PRKN: variants seen among roughly 807,000 people sequenced by gnomAD.
PRKN encodes E3 ubiquitin-protein ligase parkin.
In PRKN, 56 loss-of-function variants were observed where a neutral mutation model predicts 59.5. The observed-to-expected ratio is 0.94, with a 90% CI of 0.76 to 1.18. PRKN has a LOEUF of 1.18. PRKN is among the 50% of genes most tolerant of loss of function. PRKN has a pLI of 0.00. For missense variants in PRKN, 657 were observed against 596.4 expected (o/e 1.10, Z -1.06); for synonymous variants, 250 against 222.1 (o/e 1.13, Z -1.12).
intron 3 of PRKN, among the ~76,000 whole-genome samples, chr6:162,208,459 A>T (rs1785051538): frequency 6.6e-6 from 1 of 152,160 alleles, no homozygotes; most frequent in African/African-American, 2.4e-5. Context: ...CAATAATTTG[A>T]CCTACTGAGG....
rs138911423 is a variant in PRKN at position 162,710,374 on chromosome 6, A to AACACACACACACACACACACACACAC, written c.7+17262_7+17287dup. Among the ~76,000 whole-genome samples, 229 of 125,286 alleles carry AACACACACACACACACACACACACAC rather than the reference A, an allele frequency of 1.8e-3. 5 individuals are homozygous for AACACACACACACACACACACACACAC. The highest frequency in any genetic ancestry group is 6.9e-3 in the African/African-American group (202 of 29,232). 82.2% of individuals were successfully genotyped at this position (125,286 alleles called of 152,430 possible). A position where few individuals can be genotyped will look rare whatever the true frequency, so the allele number is the denominator to read the frequency against. On this transcript the variant is annotated intron_variant, in intron 1 of 11. Coordinates refer to ENST00000366898, the MANE Select transcript of PRKN (RefSeq NM_004562.3). ...CAGAAAGCCCCTGGCACCCCCTACA[A>AACACACACACACACACACACACACAC]ACACACACACACACACACACACACA...
intron 6 of PRKN, among the ~76,000 whole-genome samples, chr6:161,900,786 A>T (rs1583319736): frequency 7.3e-6 from 1 of 136,276 alleles, no homozygotes; most frequent in East Asian, 2.1e-4. Flanking sequence ...AATTATATAT[A>T]AAATATAAAT....
At chr6:162,674,116 A>G (rs909455206) in intron 1 of PRKN, among the ~76,000 whole-genome samples, 1 of 152,216 alleles carries the variant, frequency 6.6e-6, no homozygotes, top group Non-Finnish European at 1.5e-5. Flanking sequence ...TGTTATATTC[A>G]TCATTACAGC....
chr6:161,485,192 T>C (rs1328973403), intron 9 of PRKN, among the ~76,000 whole-genome samples: 1 of 152,222 alleles, frequency 6.6e-6, no homozygotes, highest in Non-Finnish European at 1.5e-5. Flanking sequence ...CTATATGCCT[T>C]AGGTCTTTTT....
At chr6:162,038,924 G>A (rs1783950935) in intron 5 of PRKN, among the ~76,000 whole-genome samples, 1 of 152,128 alleles carries the variant, frequency 6.6e-6, no homozygotes, top group Non-Finnish European at 1.5e-5. Context: ...GGAGGCTGAG[G>A]CGGGTGGATC....
intron 9 of PRKN, among the ~76,000 whole-genome samples, chr6:161,408,046 C>G (rs1420485159): frequency 6.6e-6 from 1 of 152,176 alleles, no homozygotes; most frequent in African/African-American, 2.4e-5. Flanking sequence ...TCACACAGAG[C>G]CTGTTTGGTG....
chr6:162,635,834 G>A (rs1415314260), intron 1 of PRKN, among the ~76,000 whole-genome samples: 24 of 151,982 alleles, frequency 1.6e-4, no homozygotes, highest in South Asian at 2.1e-4. Flanking sequence ...CACATGATTC[G>A]CTTCCGGTTT....
At chr6:162,339,021 A>G (rs1310921698) in intron 2 of PRKN, among the ~76,000 whole-genome samples, 2 of 131,528 alleles carry the variant, frequency 1.5e-5, no homozygotes, top group African/African-American at 3.0e-5. Context: ...CCCGGCAACC[A>G]CCCCGTCTGA....
chr6:162,636,902 G>A (rs1242560003), intron 1 of PRKN, among the ~76,000 whole-genome samples: 2 of 151,918 alleles, frequency 1.3e-5, no homozygotes, highest in East Asian at 3.9e-4. Flanking sequence ...CAAGGCTGCA[G>A]TGAGCCATGA....
At chr6:162,616,569 C>T (rs954420714) in intron 1 of PRKN, among the ~76,000 whole-genome samples, 2 of 152,114 alleles carry the variant, frequency 1.3e-5, no homozygotes, top group African/African-American at 4.8e-5. Flanking sequence ...AGTTTTTACA[C>T]TGAAACTGTA....
chr6:161,816,843 T>C (rs1791804657), intron 6 of PRKN, among the ~76,000 whole-genome samples: 5 of 152,184 alleles, frequency 3.3e-5, no homozygotes, highest in African/African-American at 1.2e-4. Flanking sequence ...CTGTTTCAGA[T>C]GTCCCAAATG....
At chr6:162,484,308 A>G (rs1042485496) in intron 1 of PRKN, among the ~76,000 whole-genome samples, 6 of 152,214 alleles carry the variant, frequency 3.9e-5, no homozygotes, top group African/African-American at 1.4e-4. Context: ...TCATTAGGGA[A>G]TAAGTGTCAA....
At chr6:162,563,507 G>C (rs1263638635) in intron 1 of PRKN, among the ~76,000 whole-genome samples, 2 of 152,122 alleles carry the variant, frequency 1.3e-5, no homozygotes, top group Non-Finnish European at 1.5e-5. Flanking sequence ...CAATACCCAA[G>C]TCCTGTTAAA....
intron 2 of PRKN, among the ~76,000 whole-genome samples, chr6:162,432,719 TG>T (rs1789597724): frequency 6.6e-6 from 1 of 152,200 alleles, no homozygotes; most frequent in Non-Finnish European, 1.5e-5. Context: ...ACTATTTAAG[TG>T]GGTCTTAGAA....
intron 6 of PRKN, among the ~76,000 whole-genome samples, chr6:161,789,866 A>G (rs1429098487): frequency 6.6e-6 from 1 of 151,266 alleles, no homozygotes; most frequent in African/African-American, 2.5e-5. Flanking sequence ...CTATTTTTGT[A>G]GTTTCTCATA....
intron 6 of PRKN, among the ~76,000 whole-genome samples, chr6:161,899,471 C>G (rs902611663): frequency 2.0e-5 from 3 of 152,108 alleles, no homozygotes; most frequent in African/African-American, 7.2e-5. Flanking sequence ...TTACCAAAGG[C>G]TCAGATAAAA....
chr6:162,601,517 G>A (rs981351894), intron 1 of PRKN, among the ~76,000 whole-genome samples: 10 of 152,032 alleles, frequency 6.6e-5, no homozygotes, highest in South Asian at 2.1e-4. Flanking sequence ...AAGTACTTCC[G>A]TGGACATATG....
chr6:161,607,062 G>T (rs1012625303), intron 7 of PRKN, among the ~76,000 whole-genome samples: 1 of 152,044 alleles, frequency 6.6e-6, no homozygotes, highest in East Asian at 1.9e-4. Flanking sequence ...CAGACTGACG[G>T]CATCCAGATT....
At chr6:162,608,011 G>A (rs1050679273) in intron 1 of PRKN, among the ~76,000 whole-genome samples, 3 of 152,162 alleles carry the variant, frequency 2.0e-5, no homozygotes, top group East Asian at 1.9e-4. Context: ...CCTCTTGGGC[G>A]TCTTTCTCCA....
Sources: gnomAD v4.1 joint callset for allele counts (sites outside exome capture counted in the v4.1 genomes callset) on GRCh38, gnomAD v4.1.1 for gene constraint, MANE v1.5 for transcripts, NCBI Gene and HGNC (gene_info 2026-07-23, HGNC 2026-07-21) for gene names.